MGST1: variants seen among roughly 807,000 people sequenced by gnomAD.
MGST1 encodes the protein microsomal glutathione S-transferase 1, also known as glutathione S-transferase 12.
In MGST1, 5 loss-of-function variants were observed where a neutral mutation model predicts 8.9. That is an observed-to-expected ratio of 0.56 (90% CI 0.29 to 1.19). The LOEUF is 1.19. Ranked by LOEUF, MGST1 falls within the 50% of genes most tolerant of loss-of-function variation. MGST1 has a pLI of 0.08. For synonymous variants in MGST1, 54 were observed against 67.8 expected, an observed-to-expected ratio of 0.80 and a Z score of 1.00; for missense variants, 182 against 187.4, an observed-to-expected ratio of 0.97 and a Z score of 0.17.
At chr12:16,486,048 T>C (rs1413431527) in intron 4 of MGST1, among the ~76,000 whole-genome samples, 1 of 152,206 alleles carries the variant, frequency 6.6e-6, no homozygotes, top group Non-Finnish European at 1.5e-5. Context: ...TCTAATGCTT[T>C]CCCTCCTCAA....
chr12:16,552,722 G>A (rs149437366), intron 4 of MGST1, among the ~76,000 whole-genome samples: 21 of 152,210 alleles, frequency 1.4e-4, no homozygotes, highest in Admixed American at 5.2e-4. Flanking sequence ...ACTATGCACT[G>A]ATCTTGAAAT....
intron 4 of MGST1, among the ~76,000 whole-genome samples, chr12:16,529,062 C>T (rs1334712449): frequency 6.6e-6 from 1 of 152,032 alleles, no homozygotes; most frequent in African/African-American, 2.4e-5. Context: ...CACTTAACCT[C>T]ATTCATTTTA....
intron 3 of MGST1, chr12:16,360,453 G>T: frequency 2.7e-6 from 2 of 750,462 alleles, no homozygotes; most frequent in Non-Finnish European, 3.2e-6. Context: ...GGTAATATGT[G>T]TTGAAATACC....
At chr12:16,578,822 AACAAC>A (rs1565497688) in intron 4 of MGST1, among the ~76,000 whole-genome samples, 29 of 79,866 alleles carry the variant, frequency 3.6e-4, no homozygotes, top group African/African-American at 1.1e-3. Flanking sequence ...TGTCTCAAAC[AACAAC>A]AACAACAACA....
rs11315617 is a variant in MGST1 at position 16,482,634 on chromosome 12, GA to G, written n.482+99042del. On this transcript the variant is annotated intron_variant and non_coding_transcript_variant, in intron 4 of 4. Coordinates refer to the MGST1 transcript ENST00000538857. This position sits in a 1 kb window ranked among gnomAD's most constrained non-coding sequence, Gnocchi z 4.2. ...TTACAGAGCAAGACTCTGTCTGGAA[GA>G]AAAAAAAAAAAGAGTGAGAACATGT... Among the ~76,000 whole-genome samples the G allele has an allele frequency of 0.2, 28,513 of 145,952 alleles. 2,969 individuals are homozygous for G. Among genetic ancestry groups the G allele is most frequent in the East Asian group, 0.38 (1,930 of 5,016 alleles).
intron 4 of MGST1, among the ~76,000 whole-genome samples, chr12:16,477,147 A>G (rs999966790): frequency 1.3e-4 from 20 of 152,160 alleles, no homozygotes; most frequent in African/African-American, 4.8e-4. Context: ...TCTTATATTC[A>G]CTCACTTTTA....
At position 16,357,810 on chromosome 12, in the gene MGST1, A is replaced by G; in HGVS notation, c.221+111A>G. 3 of 721,950 alleles carry G rather than the reference A, an allele frequency of 4.2e-6. No individual in the cohort carries two copies. In the South Asian group the frequency reaches 5.7e-5, roughly 14 times the overall value. 44.7% of individuals were successfully genotyped at this position (721,950 alleles called of 1,614,324 possible). A position where few individuals can be genotyped will look rare whatever the true frequency, so the allele number is the denominator to read the frequency against. On this transcript the variant is annotated intron_variant, in intron 3 of 3. Coordinates refer to ENST00000396210, the MANE Select transcript of MGST1 (RefSeq NM_020300.5). ...CTGAGGAAAAAAAGTGAGACCTCTT[A>G]CCTACTCCACATGACAATTACAGAA...
intron 3 of MGST1, among the ~76,000 whole-genome samples, chr12:16,371,131 C>T (rs1940285796): frequency 6.6e-6 from 1 of 152,070 alleles, no homozygotes; most frequent in Non-Finnish European, 1.5e-5. Context: ...AGACCAGTAA[C>T]TTGTGCTAGT....
chr12:16,557,518 T>C (rs1392460645), intron 4 of MGST1, among the ~76,000 whole-genome samples: 1 of 152,138 alleles, frequency 6.6e-6, no homozygotes, highest in Non-Finnish European at 1.5e-5. Context: ...CAAACTGTTA[T>C]ATACCTTGTT....
chr12:16,405,032 T>A lies in MGST1; in HGVS notation n.778+21428T>A, dbSNP rs1940687683. Among the ~76,000 whole-genome samples the A allele has an allele frequency of 2.0e-5, 3 of 152,162 alleles. No homozygotes were observed. In the South Asian group the frequency reaches 6.2e-4, roughly 32 times the overall value. ...AATCTCTGGGACACAGCTAAGGCAG[T>A]GTTAAGAGGGAAGTTTATATTAATA... On this transcript the variant is annotated intron_variant and non_coding_transcript_variant, in intron 1 of 1. Coordinates refer to the MGST1 transcript ENST00000359720.
intron 1 of MGST1, among the ~76,000 whole-genome samples, chr12:16,429,182 T>G (rs1365606756): frequency 6.6e-6 from 1 of 152,152 alleles, no homozygotes; most frequent in Non-Finnish European, 1.5e-5. Flanking sequence ...CTTTGTGCCT[T>G]GCACTTCTGA....
chr12:16,404,728 T>C (rs1445191103), intron 1 of MGST1, among the ~76,000 whole-genome samples: 1 of 152,176 alleles, frequency 6.6e-6, no homozygotes, highest in Non-Finnish European at 1.5e-5. Flanking sequence ...TTTTTTAAAC[T>C]CTAGAGATAT....
chr12:16,403,051 T>C (rs547972655), intron 1 of MGST1, among the ~76,000 whole-genome samples: 4 of 151,904 alleles, frequency 2.6e-5, no homozygotes, highest in Non-Finnish European at 5.9e-5. Context: ...AACTTTGACT[T>C]GATATAATCA....
chr12:16,507,600 G>T lies in MGST1; in HGVS notation n.483-81928G>T, dbSNP rs117257442. 5.8e-3 allele frequency among the ~76,000 whole-genome samples: 890 copies of T among 152,290 alleles called. 6 individuals carry two copies. Among genetic ancestry groups the T allele is most frequent in the Middle Eastern group, 0.02 (6 of 294 alleles). ...AGAAAAGAGGTTTAATTGATTCACA[G>T]TTCTGCAAGCTGTTCAGGAAACATA... On this transcript the variant is annotated intron_variant and non_coding_transcript_variant, in intron 4 of 4. Coordinates refer to the MGST1 transcript ENST00000538857.
At chr12:16,496,291 C>G (rs975134879) in intron 4 of MGST1, among the ~76,000 whole-genome samples, 1 of 151,956 alleles carries the variant, frequency 6.6e-6, no homozygotes, top group East Asian at 1.9e-4. Context: ...GTGTGGTTGG[C>G]AGCATGTATT....
chr12:16,577,471 T>A (rs1318323127), intron 4 of MGST1, among the ~76,000 whole-genome samples: 1 of 152,164 alleles, frequency 6.6e-6, no homozygotes, highest in African/African-American at 2.4e-5. Flanking sequence ...TTCCTAAATA[T>A]ATTATTCTAC....
In MGST1 at chr12:16,586,570, T is replaced by C. The variant is rs770533690; in HGVS notation, n.483-2958T>C. Among the ~76,000 whole-genome samples, 1 of 152,206 alleles carries C rather than the reference T, an allele frequency of 6.6e-6. No homozygotes were observed. Among genetic ancestry groups the C allele is most frequent in the Non-Finnish European group, 1.5e-5 (1 of 68,032 alleles). Reference sequence around the variant, plus strand: ...GGCCAACTGAATTCTGGAGGACATATGCAAAGACACTGCATTTCATCTTTG... The same window carrying C: ...GGCCAACTGAATTCTGGAGGACATACGCAAAGACACTGCATTTCATCTTTG... On this transcript the variant is annotated intron_variant and non_coding_transcript_variant, in intron 4 of 4. Transcript: ENST00000538857. This position sits in a 1 kb window ranked among gnomAD's most constrained non-coding sequence, Gnocchi z 4.3.
At chr12:16,591,180 C>T (rs1288118433), downstream of MGST1, among the ~76,000 whole-genome samples, 1 of 151,942 alleles carries the variant, frequency 6.6e-6, no homozygotes, top group Non-Finnish European at 1.5e-5. This position sits in a 1 kb window ranked among gnomAD's most constrained non-coding sequence, Gnocchi z 4.1. Context: ...CTTATTCTTG[C>T]CCCTCCTGCT....
chr12:16,527,368 A>C (rs947151176), intron 4 of MGST1, among the ~76,000 whole-genome samples: 3 of 152,068 alleles, frequency 2.0e-5, no homozygotes, highest in Non-Finnish European at 2.9e-5. Flanking sequence ...TAAACTTAAT[A>C]GCCATTATGT....
Sources: gnomAD v4.1 joint callset for allele counts (sites outside exome capture counted in the v4.1 genomes callset) on GRCh38, gnomAD v4.1.1 for gene constraint, Gnocchi (gnomAD v3.1) non-coding constraint, MANE v1.5 for transcripts, NCBI Gene and HGNC (gene_info 2026-07-23, HGNC 2026-07-21) for gene names.